The following PCCA variants were observed in gnomAD, a reference collection of about 807,000 sequenced individuals.
PCCA encodes propionyl-CoA carboxylase alpha chain, mitochondrial.
In PCCA, 74 loss-of-function variants were observed where a neutral mutation model predicts 101.3. The ratio of observed to expected loss-of-function variants is 0.73; its 90% confidence interval spans 0.61 to 0.89. The LOEUF (loss-of-function observed/expected upper bound fraction) is 0.89, where lower values mean the gene tolerates loss of function less well. Ranked by LOEUF, PCCA falls within the 40% of genes least tolerant of loss-of-function variation. The pLI is 0.00. For synonymous variants in PCCA, 294 were observed against 313.6 expected, an observed-to-expected ratio of 0.94 and a Z score of 0.66; for missense variants, 891 against 907.0, an observed-to-expected ratio of 0.98 and a Z score of 0.23.
chr13:100,455,640 C>T (rs1346562439), intron 21 of PCCA, among the ~76,000 whole-genome samples: 1 of 152,136 alleles, frequency 6.6e-6, no homozygotes, highest in African/African-American at 2.4e-5. Context: ...GTAATTCTCA[C>T]TACTACCCGA....
rs138620345 is a variant in PCCA at position 100,443,319 on chromosome 13, A to G, written c.1846-5933A>G. On this transcript the variant is annotated intron_variant, in intron 20 of 23. Transcript: ENST00000376285. ...TTTTTTTAAAAATTGGCTGGGTACA[A>G]TGGTGCATGCCTGTGGGTCCAGCTG... 4.6e-3 allele frequency among the ~76,000 whole-genome samples: 700 copies of G among 152,084 alleles called. 5 individuals carry two copies. Among genetic ancestry groups the G allele is most frequent in the African/African-American group, 0.016 (665 of 41,476 alleles).
At chr13:100,228,899 C>CAAAAAAA (rs36067066) in intron 7 of PCCA, among the ~76,000 whole-genome samples, 1 of 83,488 alleles carries the variant, frequency 1.2e-5, no homozygotes, top group Non-Finnish European at 2.5e-5. Context: ...GACTCTTTCT[C>CAAAAAAA]AAAAAAAAAA....
intron 12 of PCCA, among the ~76,000 whole-genome samples, chr13:100,289,123 A>T (rs1459810486): frequency 6.6e-6 from 1 of 152,178 alleles, no homozygotes; most frequent in Non-Finnish European, 1.5e-5. Context: ...AATTTGATGT[A>T]TGTGGGTTTA....
At chr13:100,182,020 T>C (rs557780040) in intron 6 of PCCA, among the ~76,000 whole-genome samples, 1 of 151,412 alleles carries the variant, frequency 6.6e-6, no homozygotes, top group South Asian at 2.1e-4. Context: ...CTTGTCTTGA[T>C]TCCTTCTATA....
rs2076974081 is a variant in PCCA, at chr13:100,394,951, T to A, written c.1746+26377T>A. 6.6e-6 allele frequency among the ~76,000 whole-genome samples: 1 copy of A among 152,142 alleles called. No individual in the cohort carries two copies. Among genetic ancestry groups the A allele is most frequent in the African/African-American group, 2.4e-5 (1 of 41,428 alleles). On this transcript the variant is annotated intron_variant, in intron 19 of 23. Coordinates refer to ENST00000376285, the MANE Select transcript of PCCA (RefSeq NM_000282.4). The surrounding 1 kb of genome is among the most constrained non-coding windows in gnomAD (Gnocchi z 4.3). Reference sequence around the variant, plus strand: ...TCTGTGTCCGTGATTCTAATTACATTTCAGGGGGTTGTGATCTCTCCCAGA... The same window carrying A: ...TCTGTGTCCGTGATTCTAATTACATATCAGGGGGTTGTGATCTCTCCCAGA...
rs566423967 is a variant in PCCA at position 100,206,550 on chromosome 13, G to A, written c.469-2782G>A. Among the ~76,000 whole-genome samples, 56 of 152,228 alleles carry A rather than the reference G, an allele frequency of 3.7e-4. 1 individual carries two copies. Among genetic ancestry groups the A allele is most frequent in the African/African-American group, 1.2e-3 (51 of 41,544 alleles). ...GCTGGGATTACAGGTGTGAGCCACT[G>A]TGCCCGGCCATTCTAATGTCTTCTT... is the stretch of plus-strand genomic sequence containing the variant. On this transcript the variant is annotated intron_variant, in intron 6 of 23. Transcript: ENST00000376285.
intron 1 of PCCA, among the ~76,000 whole-genome samples, chr13:100,096,519 G>A (rs1300532624): frequency 6.6e-6 from 1 of 152,238 alleles, no homozygotes; most frequent in South Asian, 2.1e-4. Flanking sequence ...TCTAGTGAAA[G>A]GAAGAGTCAC....
At chr13:100,223,629 C>T (rs865911093) in intron 7 of PCCA, among the ~76,000 whole-genome samples, 2 of 152,056 alleles carry the variant, frequency 1.3e-5, no homozygotes, top group East Asian at 1.9e-4. Flanking sequence ...GAAGGGGACC[C>T]GAGCGTGTTG....
chr13:100,126,200 C>T (rs2049937325), intron 4 of PCCA, among the ~76,000 whole-genome samples: 1 of 152,084 alleles, frequency 6.6e-6, no homozygotes, highest in South Asian at 2.1e-4. Context: ...TTTGCTTTTC[C>T]ATAAAATAAC....
At chr13:100,178,957 A>G (rs549359559) in intron 6 of PCCA, among the ~76,000 whole-genome samples, 15 of 151,572 alleles carry the variant, frequency 9.9e-5, no homozygotes, top group Middle Eastern at 6.8e-3. Context: ...GGCGCCTGTA[A>G]TCCCAGCTAC....
chr13:100,421,379 AT>A (rs1287134189), intron 19 of PCCA, among the ~76,000 whole-genome samples: 1 of 151,974 alleles, frequency 6.6e-6, no homozygotes, highest in Non-Finnish European at 1.5e-5. Flanking sequence ...ATGTATAGTT[AT>A]TTTTTTCTTA....
chr13:100,144,733 A>T (rs2052326600), intron 4 of PCCA, among the ~76,000 whole-genome samples: 1 of 152,192 alleles, frequency 6.6e-6, no homozygotes, highest in Non-Finnish European at 1.5e-5. Flanking sequence ...ATTCCCAGGG[A>T]TGAGAAAAAG....
chr13:100,227,592 C>T (rs1236509506), intron 7 of PCCA, among the ~76,000 whole-genome samples: 5 of 152,110 alleles, frequency 3.3e-5, no homozygotes, highest in Non-Finnish European at 7.4e-5. Flanking sequence ...GTTTCTTTCC[C>T]TTTTCTCCGT....
chr13:100,151,097 T>C lies in PCCA; in HGVS notation c.301-3882T>C, dbSNP rs1258463850. 4 of 1,400,254 alleles carry C rather than the reference T, an allele frequency of 2.9e-6. No homozygotes were observed. In the East Asian group the frequency reaches 6.9e-5, roughly 24 times the overall value. 86.7% of individuals were successfully genotyped at this position (1,400,254 alleles called of 1,614,324 possible). On this transcript the variant is annotated intron_variant, in intron 4 of 23. Transcript: ENST00000376285. Reference sequence around the variant, plus strand: ...CTGGATGTACTCGTATGCACCCATCTTGGCTTACCTGATGGCTGCTGCCAG... The same window carrying C: ...CTGGATGTACTCGTATGCACCCATCCTGGCTTACCTGATGGCTGCTGCCAG...
At chr13:100,137,222 G>T (rs1032859270) in intron 4 of PCCA, among the ~76,000 whole-genome samples, 9 of 151,862 alleles carry the variant, frequency 5.9e-5, no homozygotes, top group Admixed American at 1.3e-4. Flanking sequence ...ATCATATTTT[G>T]TATTATTATA....
intron 16 of PCCA, among the ~76,000 whole-genome samples, chr13:100,320,804 T>C (rs1039823897): frequency 6.6e-6 from 1 of 152,146 alleles, no homozygotes; most frequent in African/African-American, 2.4e-5. Context: ...TAGGCTGGAG[T>C]GCAGTGGCAC....
chr13:100,421,121 C>T (rs1383950413), intron 19 of PCCA, among the ~76,000 whole-genome samples: 1 of 151,976 alleles, frequency 6.6e-6, no homozygotes, highest in Non-Finnish European at 1.5e-5. Context: ...ACAGGAGAAT[C>T]GCTTGAACCC....
chr13:100,266,109 A>C (rs2062918299), intron 10 of PCCA, among the ~76,000 whole-genome samples: 1 of 152,152 alleles, frequency 6.6e-6, no homozygotes, highest in Non-Finnish European at 1.5e-5. Flanking sequence ...TTTGTCCTTC[A>C]CTGTATTCCC....
At chr13:100,325,692 TAG>T (rs1487455649) in intron 16 of PCCA, among the ~76,000 whole-genome samples, 3 of 152,176 alleles carry the variant, frequency 2.0e-5, no homozygotes, top group African/African-American at 7.2e-5. Flanking sequence ...GCTCATCTCC[TAG>T]CCTTGAAGGA....
Sources: allele counts gnomAD v4.1 joint callset (sites outside exome capture counted in the v4.1 genomes callset), GRCh38; gene constraint gnomAD v4.1.1; non-coding constraint Gnocchi (gnomAD v3.1); transcripts MANE v1.5; gene names NCBI Gene and HGNC (gene_info 2026-07-23, HGNC 2026-07-21).